Variants in FABP12 observed in about 807,000 individuals in gnomAD.
FABP12 encodes fatty acid-binding protein 12.
In FABP12, 19 loss-of-function variants were observed where a neutral mutation model predicts 13.7. The observed-to-expected ratio is 1.39, with a 90% CI of 0.97 to 2.04. The LOEUF (loss-of-function observed/expected upper bound fraction) is 2.04. FABP12 is among the 30% of genes most tolerant of loss of function. The probability of loss-of-function intolerance (pLI) is 0.00; values close to 1 mark genes in which losing one functional copy is unlikely to be tolerated. For missense variants in FABP12, 182 were observed against 164.2 expected (o/e 1.11, Z -0.59); for synonymous variants, 61 against 57.0 (o/e 1.07, Z -0.32).
intron 1 of FABP12, among the ~76,000 whole-genome samples, chr8:81,584,858 A>G (rs180888171): frequency 3.9e-5 from 6 of 152,194 alleles, no homozygotes; most frequent in East Asian, 3.9e-4. Flanking sequence ...GTGTGAGATG[A>G]TATCTATTAT....
chr8:81,558,975 C>A (rs565394777), intron 1 of FABP12, among the ~76,000 whole-genome samples: 20 of 151,188 alleles, frequency 1.3e-4, no homozygotes, highest in South Asian at 6.3e-4. Flanking sequence ...ACAGGGGACT[C>A]TTTCTAAGGT....
chr8:81,558,600 G>A (rs1385257655), intron 1 of FABP12, among the ~76,000 whole-genome samples: 1 of 152,158 alleles, frequency 6.6e-6, no homozygotes, highest in East Asian at 1.9e-4. Flanking sequence ...GTGCATAGAA[G>A]TTGGATGAGG....
chr8:81,557,568 A>G (rs898173039), intron 1 of FABP12, among the ~76,000 whole-genome samples: 1 of 152,218 alleles, frequency 6.6e-6, no homozygotes, highest in Non-Finnish European at 1.5e-5. Flanking sequence ...ACCACAGCAC[A>G]TTATTGTAAG....
intron 4 of FABP12, 99 bp from the exon 5 acceptor site, chr8:81,525,219 A>C (rs1808862477): frequency 1.2e-6 from 1 of 811,216 alleles, no homozygotes; most frequent in Admixed American, 2.6e-5. Flanking sequence ...CATTCCTTAA[A>C]AATATTGAAA....
chr8:81,557,354 G>T (rs1809637569), intron 1 of FABP12, among the ~76,000 whole-genome samples: 2 of 152,272 alleles, frequency 1.3e-5, no homozygotes, highest in South Asian at 4.1e-4. Flanking sequence ...TAAGACAGTT[G>T]GCATTTTCCC....
upstream of FABP12, among the ~76,000 whole-genome samples, chr8:81,537,963 G>T (rs1809263518): frequency 6.6e-6 from 1 of 152,164 alleles, no homozygotes; most frequent in Non-Finnish European, 1.5e-5. Flanking sequence ...AAGAAAAGTG[G>T]TTTAATTGGT....
intron 1 of FABP12, among the ~76,000 whole-genome samples, chr8:81,576,571 C>T (rs570173622): frequency 2.0e-5 from 3 of 152,130 alleles, no homozygotes; most frequent in African/African-American, 7.2e-5. Context: ...CTTGATTTTT[C>T]CACTTAACAA....
At chr8:81,552,316 T>C (rs549134885) in intron 1 of FABP12, among the ~76,000 whole-genome samples, 82 of 152,242 alleles carry the variant, frequency 5.4e-4, no homozygotes, top group African/African-American at 1.9e-3. Context: ...AAGTTCAGTA[T>C]AGTAGGAGCA....
At chr8:81,531,325 G>A in exon 2 of FABP12, 1 of 1,587,058 alleles carries the variant, frequency 6.3e-7, no homozygotes, top group Non-Finnish European at 8.6e-7. Context: ...TTCTGTCTGA[G>A]ATAAGTTGAT....
rs35682824 is a variant in FABP12, at chr8:81,558,887, C to CAA, written c.-184-19146_-184-19145dup. Reference sequence around the variant, plus strand: ...CCTGGGGGACAAAGTAAGGCTCCATCAAAAAAAAAAAAAAAAAAAAAAAAG... The same window carrying CAA: ...CCTGGGGGACAAAGTAAGGCTCCATCAAAAAAAAAAAAAAAAAAAAAAAAAAG... On this transcript the variant is annotated intron_variant, in intron 1 of 5. Coordinates refer to the FABP12 transcript ENST00000692030. Among the ~76,000 whole-genome samples, 316 of 67,350 alleles carry CAA rather than the reference C, an allele frequency of 4.7e-3. 2 individuals are homozygous for CAA. Among genetic ancestry groups the CAA allele is most frequent in the African/African-American group, 0.01 (192 of 19,096 alleles). 44.2% of individuals were successfully genotyped at this position (67,350 alleles called of 152,430 possible).
At chr8:81,575,077 A>T (rs1286750273) in intron 1 of FABP12, among the ~76,000 whole-genome samples, 2 of 151,592 alleles carry the variant, frequency 1.3e-5, no homozygotes, top group Non-Finnish European at 2.9e-5. Context: ...AGTCTTTTTG[A>T]TGTAGGTATG....
upstream of FABP12, among the ~76,000 whole-genome samples, chr8:81,536,508 T>C (rs750543786): frequency 2.6e-5 from 4 of 152,222 alleles, no homozygotes; most frequent in Non-Finnish European, 4.4e-5. Flanking sequence ...GATATTGGCA[T>C]GCAAGGAGAA....
At chr8:81,583,829 T>G (rs966689698) in intron 1 of FABP12, among the ~76,000 whole-genome samples, 4 of 152,210 alleles carry the variant, frequency 2.6e-5, no homozygotes, top group Admixed American at 1.3e-4. Context: ...GAATGCTCCC[T>G]GACTCATTAT....
chr8:81,573,932 C>A (rs763010605), intron 1 of FABP12, among the ~76,000 whole-genome samples: 1 of 151,912 alleles, frequency 6.6e-6, no homozygotes, highest in Non-Finnish European at 1.5e-5. Flanking sequence ...TTTACTGAAT[C>A]GGATGGCTTA....
intron 1 of FABP12, among the ~76,000 whole-genome samples, chr8:81,563,661 G>C (rs1281103283): frequency 6.6e-6 from 1 of 152,130 alleles, no homozygotes; most frequent in Non-Finnish European, 1.5e-5. Context: ...ATGCATAAAA[G>C]TCTCTTAGCA....
chr8:81,586,738 G>T (rs569330660), intron 1 of FABP12, among the ~76,000 whole-genome samples: 6 of 151,964 alleles, frequency 3.9e-5, no homozygotes, highest in Non-Finnish European at 8.8e-5. Context: ...TTCTCATTCT[G>T]CAGGTTGTGT....
intron 3 of FABP12, among the ~76,000 whole-genome samples, chr8:81,527,595 C>A (rs1040017130): frequency 1.3e-5 from 2 of 152,268 alleles, no homozygotes; most frequent in East Asian, 1.9e-4. Context: ...ATCTCCTGAC[C>A]TTGTGATCTG....
At chr8:81,528,565 C>T (rs754900791) in intron 3 of FABP12, among the ~76,000 whole-genome samples, 9 of 152,012 alleles carry the variant, frequency 5.9e-5, no homozygotes, top group Admixed American at 2.0e-4. Flanking sequence ...TTTAACAATC[C>T]TCTATTGAGT....
intron 1 of FABP12, among the ~76,000 whole-genome samples, chr8:81,548,538 C>A (rs983470239): frequency 2.0e-5 from 3 of 151,996 alleles, no homozygotes; most frequent in Admixed American, 1.3e-4. Context: ...TAGGATATAC[C>A]TTTGACTAAA....
Sources: allele counts gnomAD v4.1 joint callset (sites outside exome capture counted in the v4.1 genomes callset), GRCh38; gene constraint gnomAD v4.1.1; transcripts MANE v1.5; gene names NCBI Gene and HGNC (gene_info 2026-07-23, HGNC 2026-07-21).